The following ANO10 variants were observed in gnomAD, a reference collection of about 807,000 sequenced individuals.
The protein encoded by ANO10 is anoctamin 10.
A neutral mutation model predicts 74.7 loss-of-function variants in ANO10; 77 were observed. That is an observed-to-expected ratio of 1.03 (90% CI 0.86 to 1.25). ANO10 has a LOEUF of 1.25. Ranked by LOEUF, ANO10 falls within the 50% of genes most tolerant of loss-of-function variation. ANO10 has a pLI of 0.00. For synonymous variants in ANO10, 279 were observed against 284.9 expected, an observed-to-expected ratio of 0.98 and a Z score of 0.21; for missense variants, 721 against 778.1, an observed-to-expected ratio of 0.93 and a Z score of 0.87.
At chr3:43,411,933 G>A (rs1218868334) in intron 12 of ANO10, among the ~76,000 whole-genome samples, 6 of 151,570 alleles carry the variant, frequency 4.0e-5, no homozygotes, top group African/African-American at 1.2e-4. Flanking sequence ...TAAGCTGTTT[G>A]ATTTGAGCTC....
intron 1 of ANO10, among the ~76,000 whole-genome samples, chr3:43,672,121 G>T (rs1169169797): frequency 6.6e-6 from 1 of 152,186 alleles, no homozygotes; most frequent in Non-Finnish European, 1.5e-5. Flanking sequence ...CCACAAAAGA[G>T]TACCTTTTTG....
intron 7 of ANO10, among the ~76,000 whole-genome samples, chr3:43,568,282 A>T (rs2080485047): frequency 6.6e-6 from 1 of 152,030 alleles, no homozygotes; most frequent in African/African-American, 2.4e-5. Flanking sequence ...TCAACGAGAC[A>T]GAAAGTCAAC....
chr3:43,572,490 C>T (rs1219776280), intron 7 of ANO10, among the ~76,000 whole-genome samples: 1 of 152,180 alleles, frequency 6.6e-6, no homozygotes, highest in Non-Finnish European at 1.5e-5. Flanking sequence ...TTCTCTCTAT[C>T]GCAGAGAGAC....
chr3:43,559,299 C>T (rs2079910406), intron 9 of ANO10, among the ~76,000 whole-genome samples: 1 of 152,084 alleles, frequency 6.6e-6, no homozygotes, highest in Non-Finnish European at 1.5e-5. Context: ...GAGCCAGGGG[C>T]AAAGCAGGAG....
At chr3:43,620,461 T>A (rs2083330477) in intron 1 of ANO10, among the ~76,000 whole-genome samples, 1 of 152,188 alleles carries the variant, frequency 6.6e-6, no homozygotes, top group South Asian at 2.1e-4. Flanking sequence ...CTTATAATTT[T>A]CTCTGTCTTC....
At chr3:43,649,666 A>G (rs546871005) in intron 1 of ANO10, among the ~76,000 whole-genome samples, 2 of 152,364 alleles carry the variant, frequency 1.3e-5, no homozygotes, top group Admixed American at 1.3e-4. Flanking sequence ...TAGAAAAAGT[A>G]ACTAATGCCC....
rs1406165226 is a variant in ANO10 at position 43,576,931 on chromosome 3, T to C, written c.923A>G (p.Tyr308Cys). The C allele has an allele frequency of 1.2e-6, 2 of 1,614,056 alleles. No individual in the cohort carries two copies. The highest frequency in any genetic ancestry group is 1.3e-5 in the African/African-American group (1 of 74,926). ...CAGGTAAATGCGCAACTGTCTCTTG[T>C]AGCTGGGGTACAGAGGCTCCTCCTT... ...TGKEEPLYPS[Y>C]KRQLRIYLVS... Residue 308 changes from tyrosine to cysteine, a missense_variant, in exon 6 of 13, where the codon TAC becomes TGC. By Grantham distance (194) the Tyr-to-Cys change is radical (BLOSUM62 -2). Coordinates refer to ENST00000292246, the MANE Select transcript of ANO10 (RefSeq NM_018075.5).
At chr3:43,672,455 T>C (rs915711652) in intron 1 of ANO10, among the ~76,000 whole-genome samples, 26 of 152,126 alleles carry the variant, frequency 1.7e-4, no homozygotes, top group African/African-American at 5.8e-4. Context: ...CGCTTGAGCC[T>C]GGGAGGTCGA....
chr3:43,527,133 G>C (rs1013363416), intron 11 of ANO10, among the ~76,000 whole-genome samples: 10 of 151,882 alleles, frequency 6.6e-5, no homozygotes, highest in African/African-American at 2.4e-4. Flanking sequence ...GGACTCATCT[G>C]TGTAAACTGA....
At chr3:43,640,525 C>T (rs1399280348) in intron 1 of ANO10, among the ~76,000 whole-genome samples, 2 of 152,130 alleles carry the variant, frequency 1.3e-5, no homozygotes, top group Non-Finnish European at 2.9e-5. Context: ...AAACTGGAAC[C>T]CATCCCATGC....
At chr3:43,681,529 A>T (rs2084200010) in intron 1 of ANO10, among the ~76,000 whole-genome samples, 1 of 152,182 alleles carries the variant, frequency 6.6e-6, no homozygotes, top group African/African-American at 2.4e-5. Context: ...CGAGACAGAA[A>T]GTAAACAAGG....
chr3:43,676,979 T>C (rs752969523), intron 1 of ANO10, among the ~76,000 whole-genome samples: 2 of 152,166 alleles, frequency 1.3e-5, no homozygotes, highest in Non-Finnish European at 1.5e-5. Flanking sequence ...CAACAGCTAA[T>C]ATTCAATTTC....
intron 11 of ANO10, among the ~76,000 whole-genome samples, chr3:43,504,859 C>A (rs1271972178): frequency 6.6e-6 from 1 of 152,102 alleles, no homozygotes; most frequent in Non-Finnish European, 1.5e-5. Flanking sequence ...CCAGGCTGGT[C>A]TTGAACTCCT....
At chr3:43,490,992 C>T (rs2076698703) in intron 11 of ANO10, among the ~76,000 whole-genome samples, 1 of 152,216 alleles carries the variant, frequency 6.6e-6, no homozygotes, top group South Asian at 2.1e-4. Flanking sequence ...TGGGCTCAGG[C>T]ATGCATATTA....
At chr3:43,467,333 G>A (rs2075670463) in intron 11 of ANO10, among the ~76,000 whole-genome samples, 1 of 152,060 alleles carries the variant, frequency 6.6e-6, no homozygotes, top group Non-Finnish European at 1.5e-5. Flanking sequence ...GTAAAAATAT[G>A]GAAACAACCC....
At chr3:43,549,571 T>C in intron 11 of ANO10, 149 bp downstream of exon 11, 2 of 848,040 alleles carry the variant, frequency 2.4e-6, no homozygotes, top group South Asian at 1.5e-5. Flanking sequence ...TGAATCCTCA[T>C]GTTTTCTATT....
chr3:43,497,106 TTC>T (rs559974346), intron 11 of ANO10, among the ~76,000 whole-genome samples: 58 of 152,190 alleles, frequency 3.8e-4, no homozygotes, highest in Non-Finnish European at 7.6e-4. Flanking sequence ...CTTTTTCTTA[TTC>T]TGTCACATTT....
chr3:43,533,586 A>T (rs2078567771), intron 11 of ANO10, among the ~76,000 whole-genome samples: 1 of 152,228 alleles, frequency 6.6e-6, no homozygotes, highest in African/African-American at 2.4e-5. Context: ...CTTAGCTTTG[A>T]CCCCAGTCCA....
chr3:43,691,040 G>C, intron 1 of ANO10: 1 of 1,556,164 alleles, frequency 6.4e-7, no homozygotes, highest in Non-Finnish European at 8.7e-7. Flanking sequence ...CCGGAGAGAG[G>C]TAAGCGCAGC....
Sources: gnomAD v4.1 joint callset for allele counts (sites outside exome capture counted in the v4.1 genomes callset) on GRCh38, gnomAD v4.1.1 for gene constraint, MANE v1.5 for transcripts, NCBI Gene and HGNC (gene_info 2026-07-23, HGNC 2026-07-21) for gene names.